HPSE2: variants seen among roughly 807,000 people sequenced by gnomAD.
HPSE2 encodes inactive heparanase-2.
HPSE2 carries 38 observed loss-of-function variants against 60.5 expected under a neutral mutation model. That is an observed-to-expected ratio of 0.63 (90% confidence interval 0.48 to 0.82). The LOEUF is 0.82. Among genes scored for constraint, HPSE2 ranks in the 40% least tolerant of loss-of-function variants. The probability of loss-of-function intolerance (pLI) is 0.00; values close to 1 mark genes in which losing one functional copy is unlikely to be tolerated. For synonymous variants in HPSE2, 295 were observed against 293.2 expected (o/e 1.01, Z -0.06); for missense variants, 713 against 740.4 (o/e 0.96, Z 0.43).
intron 9 of HPSE2, among the ~76,000 whole-genome samples, chr10:98,543,718 A>C (rs1943556180): frequency 6.6e-6 from 1 of 152,094 alleles, no homozygotes; most frequent in Non-Finnish European, 1.5e-5. Context: ...AACAAAGATC[A>C]AAAGAGACAA....
chr10:98,655,186 TG>T (rs1947026894), intron 6 of HPSE2, among the ~76,000 whole-genome samples: 1 of 151,978 alleles, frequency 6.6e-6, no homozygotes. Context: ...GGCTAGAGTG[TG>T]GGGAATGCCC....
chr10:99,152,612 G>C (rs1406564849), intron 2 of HPSE2, among the ~76,000 whole-genome samples: 1 of 152,122 alleles, frequency 6.6e-6, no homozygotes, highest in Non-Finnish European at 1.5e-5. Context: ...GATAAGAAAA[G>C]AAGCTGTATT....
chr10:99,152,613 A>G (rs761690394), intron 2 of HPSE2, among the ~76,000 whole-genome samples: 22 of 152,232 alleles, frequency 1.4e-4, no homozygotes, highest in Non-Finnish European at 2.4e-4. Context: ...ATAAGAAAAG[A>G]AGCTGTATTT....
intron 9 of HPSE2, among the ~76,000 whole-genome samples, chr10:98,561,167 T>TTG (rs1345751287): frequency 6.9e-6 from 1 of 145,914 alleles, no homozygotes; most frequent in Non-Finnish European, 1.5e-5. Context: ...TTTTTTTTGT[T>TTG]CTTTTTTTTG....
chr10:98,473,806 C>T (rs1940886515), intron 11 of HPSE2, among the ~76,000 whole-genome samples: 1 of 152,162 alleles, frequency 6.6e-6, no homozygotes, highest in Admixed American at 6.5e-5. Flanking sequence ...CATGGAGGCT[C>T]TTTCCTACAA....
At chr10:99,037,970 CA>C (rs1205817477) in intron 3 of HPSE2, among the ~76,000 whole-genome samples, 2 of 151,968 alleles carry the variant, frequency 1.3e-5, no homozygotes, top group Non-Finnish European at 2.9e-5. Flanking sequence ...TAGGGAAATG[CA>C]AATTAAGACC....
At chr10:98,644,764 G>C (rs1270368147) in intron 6 of HPSE2, among the ~76,000 whole-genome samples, 1 of 152,122 alleles carries the variant, frequency 6.6e-6, no homozygotes, top group Non-Finnish European at 1.5e-5. Flanking sequence ...ACCCAGAAAT[G>C]GTCCAATTGC....
chr10:98,941,796 A>T (rs1234812955), intron 3 of HPSE2, among the ~76,000 whole-genome samples: 2 of 139,380 alleles, frequency 1.4e-5, no homozygotes. Context: ...AAAAGAACAA[A>T]GCTGGAGGCA....
At chr10:98,724,401 G>A (rs189020152) in intron 4 of HPSE2, among the ~76,000 whole-genome samples, 2,649 of 152,142 alleles carry the variant, frequency 0.017, 97 homozygotes, top group African/African-American at 0.061. Flanking sequence ...GGTCAATTTT[G>A]GAATAGGTGT....
rs112311113 is a variant in HPSE2 at position 98,593,459 on chromosome 10, T to A, written c.1320+21445A>T. On this transcript the variant is annotated intron_variant, in intron 9 of 11. Transcript: ENST00000370552. ...GGGATCCAACGAAGGTTTTTTTTTTTAAATACAAAGAATGATATAATCATA... is the reference window on the plus strand; with the variant it reads ...GGGATCCAACGAAGGTTTTTTTTTTAAAATACAAAGAATGATATAATCATA... Among the ~76,000 whole-genome samples the A allele has an allele frequency of 4.4e-3, 667 of 150,936 alleles. 3 individuals carry two copies. The highest frequency in any genetic ancestry group is 0.016 in the African/African-American group (632 of 40,620).
At chr10:99,162,121 C>A (rs900119557) in intron 2 of HPSE2, among the ~76,000 whole-genome samples, 1 of 152,056 alleles carries the variant, frequency 6.6e-6, no homozygotes, top group East Asian at 1.9e-4. Flanking sequence ...GTTTGTAAAA[C>A]AACTATCAAT....
chr10:98,572,578 C>T (rs1242770968), intron 9 of HPSE2, among the ~76,000 whole-genome samples: 1 of 152,230 alleles, frequency 6.6e-6, no homozygotes, highest in Non-Finnish European at 1.5e-5. Flanking sequence ...CTGCAAACTG[C>T]ATCCTCCCAT....
chr10:98,939,714 G>C (rs1188251970), intron 3 of HPSE2, among the ~76,000 whole-genome samples: 1 of 143,618 alleles, frequency 7.0e-6, no homozygotes, highest in Non-Finnish European at 1.5e-5. Flanking sequence ...ACTGAACTCA[G>C]CTCTGCACCA....
At chr10:98,945,775 T>A (rs1955163010) in intron 3 of HPSE2, among the ~76,000 whole-genome samples, 1 of 152,168 alleles carries the variant, frequency 6.6e-6, no homozygotes, top group South Asian at 2.1e-4. Context: ...CAAAACTCCT[T>A]TAGAGGAAAT....
chr10:98,624,764 T>A (rs907384172), intron 7 of HPSE2, among the ~76,000 whole-genome samples: 2 of 152,214 alleles, frequency 1.3e-5, no homozygotes, highest in Non-Finnish European at 2.9e-5. Context: ...TAGGATTGTG[T>A]TAAGGATCTT....
intron 2 of HPSE2, among the ~76,000 whole-genome samples, chr10:99,215,502 T>C (rs1316945019): frequency 6.6e-6 from 1 of 152,072 alleles, no homozygotes; most frequent in African/African-American, 2.4e-5. Flanking sequence ...TCAGGACAAA[T>C]ATCTAATGCA....
chr10:98,903,039 C>A (rs1214675990), intron 3 of HPSE2, among the ~76,000 whole-genome samples: 3 of 152,014 alleles, frequency 2.0e-5, no homozygotes, highest in African/African-American at 7.2e-5. Flanking sequence ...CCATCAGCAG[C>A]AGAATTGATA....
intron 3 of HPSE2, among the ~76,000 whole-genome samples, chr10:98,782,912 ATTTT>A (rs1039514719): frequency 7.3e-5 from 3 of 41,098 alleles, no homozygotes; most frequent in South Asian, 1.0e-3. Context: ...CTGTTTGTTT[ATTTT>A]TTTTTTTTTA....
intron 3 of HPSE2, among the ~76,000 whole-genome samples, chr10:98,809,166 A>G (rs1408949321): frequency 6.6e-6 from 1 of 152,116 alleles, no homozygotes; most frequent in Admixed American, 6.6e-5. Flanking sequence ...TATATTCACT[A>G]TAGTTGCATT....
Sources: gnomAD v4.1 joint callset for allele counts (sites outside exome capture counted in the v4.1 genomes callset) on GRCh38, gnomAD v4.1.1 for gene constraint, MANE v1.5 for transcripts, NCBI Gene and HGNC (gene_info 2026-07-23, HGNC 2026-07-21) for gene names.